TOP6BL: variants seen among roughly 807,000 people sequenced by gnomAD.
The protein encoded by TOP6BL is type 2 DNA topoisomerase 6 subunit B-like.
chr11:66,843,324 A>AGTCCTCTTCCGC, the TOP6BL span: 13 of 1,513,828 alleles, frequency 8.6e-6, no homozygotes, highest in African/African-American at 1.8e-4. Flanking sequence ...GCGCTCACCA[A>AGTCCTCTTCCGC]GTCCTCTTCC....
At chr11:66,791,174 T>G in the TOP6BL span, among the ~76,000 whole-genome samples, 1 of 152,192 alleles carries the variant, frequency 6.6e-6, no homozygotes, top group Non-Finnish European at 1.5e-5. Flanking sequence ...ATGGAAAAGC[T>G]ATAATAAATG....
At chr11:66,754,329 C>T in the TOP6BL span, among the ~76,000 whole-genome samples, 5 of 152,040 alleles carry the variant, frequency 3.3e-5, no homozygotes, top group African/African-American at 1.2e-4. Context: ...GGTTCTTTTT[C>T]CTTTTTAAAA....
the TOP6BL span, among the ~76,000 whole-genome samples, chr11:66,829,298 C>T: frequency 6.7e-6 from 1 of 148,680 alleles, no homozygotes; most frequent in Non-Finnish European, 1.5e-5. Flanking sequence ...AGATACAGGC[C>T]GCGTGTGGTG....
the TOP6BL span, among the ~76,000 whole-genome samples, chr11:66,790,128 C>T: frequency 6.6e-6 from 1 of 151,794 alleles, no homozygotes; most frequent in Non-Finnish European, 1.5e-5. Flanking sequence ...AAAAATTAGC[C>T]GGGTGTGGTG....
chr11:66,830,836 T>A, the TOP6BL span, among the ~76,000 whole-genome samples: 1 of 152,212 alleles, frequency 6.6e-6, no homozygotes, highest in African/African-American at 2.4e-5. Context: ...ATATACCTGA[T>A]AGCACTGTAT....
chr11:66,764,382 G>A, the TOP6BL span, among the ~76,000 whole-genome samples: 3 of 151,796 alleles, frequency 2.0e-5, no homozygotes, highest in Admixed American at 6.6e-5. Flanking sequence ...GGCCGGGCGC[G>A]GTGGCTCACA....
chr11:66,828,094 C>T, the TOP6BL span, among the ~76,000 whole-genome samples: 1 of 151,532 alleles, frequency 6.6e-6, no homozygotes, highest in Admixed American at 6.6e-5. Context: ...CACCAAGTAT[C>T]TCAGGCCTTC....
chr11:66,783,273 G>A, the TOP6BL span, among the ~76,000 whole-genome samples: 1 of 152,178 alleles, frequency 6.6e-6, no homozygotes, highest in African/African-American at 2.4e-5. Flanking sequence ...TGAGGTAGGA[G>A]GATCCTTTGA....
At chr11:66,764,584 G>C in the TOP6BL span, among the ~76,000 whole-genome samples, 2 of 150,896 alleles carry the variant, frequency 1.3e-5, no homozygotes, top group African/African-American at 4.9e-5. Context: ...AGAATCGCTT[G>C]AACCTGGGAG....
the TOP6BL span, among the ~76,000 whole-genome samples, chr11:66,831,777 C>T: frequency 6.6e-6 from 1 of 151,932 alleles, no homozygotes; most frequent in Non-Finnish European, 1.5e-5. Flanking sequence ...GAGTGGATCA[C>T]GAGGTCAAGA....
At chr11:66,746,961 C>T in the TOP6BL span, among the ~76,000 whole-genome samples, 1 of 150,334 alleles carries the variant, frequency 6.7e-6, no homozygotes, top group African/African-American at 2.5e-5. Context: ...CTTTTTGAAA[C>T]GGAGTGTTGC....
chr11:66,764,993 A>C, the TOP6BL span, among the ~76,000 whole-genome samples: 4 of 151,846 alleles, frequency 2.6e-5, no homozygotes, highest in Non-Finnish European at 4.4e-5. Context: ...ATATAAATGG[A>C]GTATATTATT....
At chr11:66,839,316 C>A in the TOP6BL span, 2 of 403,670 alleles carry the variant, frequency 5.0e-6, no homozygotes, top group Non-Finnish European at 9.9e-6. Context: ...GAAATTGAGG[C>A]CCACAGATAT....
the TOP6BL span, among the ~76,000 whole-genome samples, chr11:66,774,606 A>G: frequency 6.6e-6 from 1 of 151,594 alleles, no homozygotes; most frequent in African/African-American, 2.4e-5. Flanking sequence ...GGCGCCCGCC[A>G]CCACGCCTGG....
chr11:66,797,002 C>CTT, the TOP6BL span, among the ~76,000 whole-genome samples: 12 of 136,408 alleles, frequency 8.8e-5, no homozygotes, highest in East Asian at 1.3e-3. Flanking sequence ...CCAAGGCAAT[C>CTT]TTTTTTTTTT....
chr11:66,828,173 C>G, the TOP6BL span: 3 of 780,598 alleles, frequency 3.8e-6, no homozygotes, highest in Non-Finnish European at 6.5e-6. Context: ...TACTGTCTGC[C>G]TCCTCATCTC....
chr11:66,832,702 A>G, the TOP6BL span, among the ~76,000 whole-genome samples: 1 of 152,356 alleles, frequency 6.6e-6, no homozygotes, highest in Non-Finnish European at 1.5e-5. Context: ...TACTCTTGCC[A>G]GTTTCCCTCG....
the TOP6BL span, among the ~76,000 whole-genome samples, chr11:66,788,898 C>T: frequency 6.6e-6 from 1 of 152,144 alleles, no homozygotes; most frequent in South Asian, 2.1e-4. Context: ...GCTGGGACTA[C>T]AGGTGGGAAC....
chr11:66,799,113 A>G, the TOP6BL span, among the ~76,000 whole-genome samples: 1 of 151,176 alleles, frequency 6.6e-6, no homozygotes, highest in South Asian at 2.1e-4. Flanking sequence ...AGGCTGAGGC[A>G]GGAGAATCAC....
Sources: allele counts gnomAD v4.1 joint callset (sites outside exome capture counted in the v4.1 genomes callset), GRCh38; gene constraint gnomAD v4.1.1; transcripts MANE v1.5; gene names NCBI Gene and HGNC (gene_info 2026-07-23, HGNC 2026-07-21).